MSI2: variants seen among roughly 807,000 people sequenced by gnomAD.
The protein encoded by MSI2 is RNA-binding protein Musashi homolog 2.
A neutral mutation model predicts 45.6 loss-of-function variants in MSI2; 17 were observed. That is an observed-to-expected ratio of 0.37 (90% CI 0.26 to 0.56). The LOEUF is 0.56. MSI2 is among the 20% of genes least tolerant of loss of function. The probability of loss-of-function intolerance (pLI) is 0.77; values close to 1 mark genes in which losing one functional copy is unlikely to be tolerated. For synonymous variants in MSI2, 156 were observed against 158.2 expected, an observed-to-expected ratio of 0.99 and a Z score of 0.11; for missense variants, 293 against 444.2, an observed-to-expected ratio of 0.66 and a Z score of 3.06.
At chr17:57,384,868 A>G (rs1456682644) in intron 5 of MSI2, among the ~76,000 whole-genome samples, 1 of 152,188 alleles carries the variant, frequency 6.6e-6, no homozygotes, top group Non-Finnish European at 1.5e-5. Context: ...AACATACTCA[A>G]AGTGAACACA....
At chr17:57,398,166 T>G (rs1054342111) in intron 5 of MSI2, among the ~76,000 whole-genome samples, 3 of 152,224 alleles carry the variant, frequency 2.0e-5, no homozygotes, top group Non-Finnish European at 4.4e-5. Flanking sequence ...ATGAACAATC[T>G]GTTGACTTCT....
At chr17:57,508,063 C>T (rs193090278) in intron 6 of MSI2, among the ~76,000 whole-genome samples, 74 of 152,284 alleles carry the variant, frequency 4.9e-4, no homozygotes, top group South Asian at 1.2e-3. Flanking sequence ...TACTTCAGAG[C>T]GCAGCAGCAG....
chr17:57,381,224 C>T (rs966425163), intron 5 of MSI2, among the ~76,000 whole-genome samples: 8 of 152,044 alleles, frequency 5.3e-5, no homozygotes, highest in African/African-American at 1.9e-4. Context: ...TACCACCACA[C>T]CTGGCTAATT....
intron 5 of MSI2, among the ~76,000 whole-genome samples, chr17:57,340,105 C>G (rs1395174989): frequency 6.6e-6 from 1 of 152,176 alleles, no homozygotes; most frequent in Non-Finnish European, 1.5e-5. Context: ...ACCATTTGCC[C>G]TAGGTTGGCT....
intron 5 of MSI2, among the ~76,000 whole-genome samples, chr17:57,368,482 G>C (rs2083373430): frequency 6.6e-6 from 1 of 152,310 alleles, no homozygotes; most frequent in Non-Finnish European, 1.5e-5. Context: ...TTGAACCCAG[G>C]AGGCAGAGGT....
chr17:57,667,349 C>G (rs1360836962), intron 11 of MSI2, among the ~76,000 whole-genome samples: 1 of 152,156 alleles, frequency 6.6e-6, no homozygotes, highest in Non-Finnish European at 1.5e-5. Flanking sequence ...TTGGTTTTCC[C>G]TCCTCTTCTG....
intron 7 of MSI2, among the ~76,000 whole-genome samples, chr17:57,595,456 G>A (rs900904074): frequency 6.6e-6 from 1 of 151,952 alleles, no homozygotes; most frequent in Non-Finnish European, 1.5e-5. Context: ...TAAGAAAAAC[G>A]GTTTATTTCT....
intron 8 of MSI2, among the ~76,000 whole-genome samples, chr17:57,603,399 C>A (rs1906138118): frequency 6.6e-6 from 1 of 152,228 alleles, no homozygotes; most frequent in Non-Finnish European, 1.5e-5. Flanking sequence ...ATCCCAGGTC[C>A]ACCGCTGGTG....
intron 6 of MSI2, among the ~76,000 whole-genome samples, chr17:57,428,948 T>C (rs757968651): frequency 2.6e-5 from 4 of 152,222 alleles, no homozygotes; most frequent in Non-Finnish European, 5.9e-5. Flanking sequence ...TGATGCATTC[T>C]ATGGGCCAGG....
chr17:57,489,420 C>T (rs2085822791), intron 6 of MSI2, among the ~76,000 whole-genome samples: 1 of 152,158 alleles, frequency 6.6e-6, no homozygotes, highest in Non-Finnish European at 1.5e-5. Context: ...GGGAGGGAGA[C>T]ACTGAAGAGA....
intron 6 of MSI2, among the ~76,000 whole-genome samples, chr17:57,513,192 T>G (rs1334816925): frequency 6.6e-6 from 1 of 152,016 alleles, no homozygotes; most frequent in African/African-American, 2.4e-5. Context: ...TAGGCTGGTC[T>G]CAAACTCCTG....
chr17:57,406,622 T>C (rs1179460429), intron 6 of MSI2, among the ~76,000 whole-genome samples: 1 of 152,250 alleles, frequency 6.6e-6, no homozygotes, highest in East Asian at 1.9e-4. Flanking sequence ...TGGTGAACTG[T>C]GTAATTAGTT....
chr17:57,425,256 C>T (rs1340257317), intron 6 of MSI2, among the ~76,000 whole-genome samples: 1 of 151,966 alleles, frequency 6.6e-6, no homozygotes, highest in Non-Finnish European at 1.5e-5. Flanking sequence ...ACATTTTGCA[C>T]AGAATTGGGT....
At chr17:57,412,437 C>G (rs1290841168) in intron 6 of MSI2, among the ~76,000 whole-genome samples, 1 of 152,194 alleles carries the variant, frequency 6.6e-6, no homozygotes, top group African/African-American at 2.4e-5. Context: ...GCAGACACTT[C>G]AGGATCGCTT....
intron 5 of MSI2, among the ~76,000 whole-genome samples, chr17:57,373,863 A>C (rs1458127438): frequency 6.6e-6 from 1 of 152,248 alleles, no homozygotes; most frequent in African/African-American, 2.4e-5. Context: ...GCCAGGGGAA[A>C]TAGTTAAAGT....
intron 6 of MSI2, among the ~76,000 whole-genome samples, chr17:57,424,818 A>G (rs182662741): frequency 1.8e-4 from 27 of 152,222 alleles, no homozygotes; most frequent in Admixed American, 1.4e-3. Flanking sequence ...CAGGACAGCC[A>G]GTGTCATCCC....
At chr17:57,495,025 G>A (rs541692103) in intron 6 of MSI2, among the ~76,000 whole-genome samples, 2 of 152,342 alleles carry the variant, frequency 1.3e-5, no homozygotes, top group Non-Finnish European at 1.5e-5. Flanking sequence ...AGTACCTGGA[G>A]TGGGTTGCAA....
In MSI2 at chr17:57,682,158, T is replaced by C. The variant is rs1167157506; in HGVS notation, c.*2641T>C. The C allele has an allele frequency of 5.2e-6, 1 of 193,526 alleles. No individual in the cohort carries two copies. Among genetic ancestry groups the C allele is most frequent in the Non-Finnish European group, 1.1e-5 (1 of 92,968 alleles). 12.0% of individuals were successfully genotyped at this position (193,526 alleles called of 1,614,324 possible). ...CCAGTAAGGATAGAACTTTCTCTTA[T>C]TTATGAAAAAAAATGCTAATAATTT... On this transcript the variant is annotated 3_prime_UTR_variant, in exon 14 of 14. Coordinates refer to ENST00000284073, the MANE Select transcript of MSI2 (RefSeq NM_138962.4).
chr17:57,695,091 A>G, the MSI2 span, among the ~76,000 whole-genome samples: 1 of 152,180 alleles, frequency 6.6e-6, no homozygotes, highest in Admixed American at 6.5e-5. Flanking sequence ...GAGAACATCT[A>G]GTTTACCTGC....
Sources: gnomAD v4.1 joint callset for allele counts (sites outside exome capture counted in the v4.1 genomes callset) on GRCh38, gnomAD v4.1.1 for gene constraint, MANE v1.5 for transcripts, NCBI Gene and HGNC (gene_info 2026-07-23, HGNC 2026-07-21) for gene names.